The following SNAPC3 variants were observed in gnomAD, a reference collection of about 807,000 sequenced individuals.
SNAPC3 encodes the protein small nuclear RNA activating complex polypeptide 3.
A neutral mutation model predicts 47.7 loss-of-function variants in SNAPC3; 56 were observed. The ratio of observed to expected loss-of-function variants is 1.18; its 90% CI spans 0.95 to 1.47. The LOEUF (loss-of-function observed/expected upper bound fraction) is 1.47. Ranked by LOEUF, SNAPC3 falls within the 40% of genes most tolerant of loss-of-function variation. The pLI is 0.00. For synonymous variants in SNAPC3, 235 were observed against 189.9 expected, an observed-to-expected ratio of 1.24 and a Z score of -1.95; for missense variants, 665 against 511.3, an observed-to-expected ratio of 1.30 and a Z score of -2.90.
At chr9:15,446,797 G>A (rs1188895270) in intron 4 of SNAPC3, among the ~76,000 whole-genome samples, 2 of 152,176 alleles carry the variant, frequency 1.3e-5, no homozygotes, top group African/African-American at 2.4e-5. Flanking sequence ...GCTGTCCCTT[G>A]TAGCCTGGTG....
At chr9:15,426,135 T>G (rs753450083) in intron 2 of SNAPC3, among the ~76,000 whole-genome samples, 2 of 152,224 alleles carry the variant, frequency 1.3e-5, no homozygotes, top group Non-Finnish European at 2.9e-5. Flanking sequence ...ATTACAGATA[T>G]GAGCCACCGC....
chr9:15,452,990 T>A (rs371410944), intron 6 of SNAPC3, 51 bp from the exon 7 acceptor site: 21 of 1,462,494 alleles, frequency 1.4e-5, no homozygotes, highest in Non-Finnish European at 2.0e-5. Flanking sequence ...TTTTCTGTAG[T>A]TTTTAAGTTT....
chr9:15,433,750 A>C (rs2032461793), intron 3 of SNAPC3, 114 bp downstream of exon 3: 1 of 605,710 alleles, frequency 1.7e-6, no homozygotes, highest in African/African-American at 1.9e-5. Flanking sequence ...TTAGTTGAAA[A>C]CAAACTAGAG....
chr9:15,449,555 ATATATATATTTTTTTTTT>A (rs1182094375), intron 5 of SNAPC3, among the ~76,000 whole-genome samples: 2 of 38,698 alleles, frequency 5.2e-5, no homozygotes, highest in African/African-American at 2.2e-4. Flanking sequence ...ATATATATAT[ATATATATATTTTTTTTTT>A]TTTTTTTTTT....
chr9:15,434,768 ACTTC>A (rs1425772267), intron 3 of SNAPC3, among the ~76,000 whole-genome samples: 4 of 151,958 alleles, frequency 2.6e-5, no homozygotes, highest in Non-Finnish European at 5.9e-5. Context: ...GTGTATTAGA[ACTTC>A]CTTCCTTTTT....
downstream of SNAPC3, chr9:15,465,692 C>CCAAA (rs1242290554): frequency 4.7e-6 from 4 of 843,608 alleles, no homozygotes; most frequent in Non-Finnish European, 7.2e-6. Context: ...CTGAAACCAA[C>CCAAA]CAAACAAAAG....
downstream of SNAPC3, chr9:15,464,900 C>A (rs2737835): frequency 0.9 from 191,106 of 213,190 alleles, 86,113 homozygotes; most frequent in African/African-American, 0.93. Flanking sequence ...TTCTCAGTTC[C>A]ATGTCAGTTG....
At chr9:15,426,433 T>G (rs1048068604) in intron 2 of SNAPC3, among the ~76,000 whole-genome samples, 2 of 152,184 alleles carry the variant, frequency 1.3e-5, no homozygotes, top group African/African-American at 2.4e-5. Context: ...TCTGTCTTCT[T>G]AGCTACACTT....
downstream of SNAPC3, chr9:15,464,972 A>G (rs892802617): frequency 7.8e-5 from 17 of 217,830 alleles, no homozygotes; most frequent in African/African-American, 3.4e-4. Context: ...AAGAAGCTGG[A>G]TAATGTAGCA....
At position 15,444,650 on chromosome 9, in the gene SNAPC3, G is replaced by A. The variant is rs201524130; in HGVS notation, c.526G>A (p.Glu176Lys). 28 of 1,613,078 alleles carry A rather than the reference G, an allele frequency of 1.7e-5. No individual in the cohort carries two copies. In the East Asian group the frequency reaches 6.0e-4, roughly 35 times the overall value. ...KKPENSADMIEEGELILSVNI... is the reference protein window; with the variant it reads ...KKPENSADMIKEGELILSVNI... ...GCCTGAAAATTCAGCAGACATGATT[G>A]AAGAAGGGGAGCTTATCCTATCTGT... Residue 176 changes from glutamate (E) to lysine (K), a missense_variant, in exon 4 of 9, where the codon GAA becomes AAA. Transcript: ENST00000380821.
chr9:15,459,287 C>T (rs1314144169), intron 8 of SNAPC3, among the ~76,000 whole-genome samples: 1 of 152,130 alleles, frequency 6.6e-6, no homozygotes, highest in Non-Finnish European at 1.5e-5. Context: ...TTCAAATTAA[C>T]CAGTACTCAT....
At chr9:15,446,433 C>A (rs181223264) in intron 4 of SNAPC3, among the ~76,000 whole-genome samples, 68 of 152,298 alleles carry the variant, frequency 4.5e-4, no homozygotes, top group Middle Eastern at 3.4e-3. Context: ...TCTTGAACTT[C>A]TAGGCTCAAG....
At chr9:15,440,243 A>G (rs1289186201) in intron 3 of SNAPC3, among the ~76,000 whole-genome samples, 1 of 152,158 alleles carries the variant, frequency 6.6e-6, no homozygotes, top group Admixed American at 6.5e-5. Context: ...TGGCTTCTAT[A>G]TTTACCTGTG....
intron 3 of SNAPC3, among the ~76,000 whole-genome samples, chr9:15,440,227 T>C (rs1296479463): frequency 1.3e-5 from 2 of 152,188 alleles, no homozygotes; most frequent in East Asian, 3.8e-4. Context: ...AAAAGTACAA[T>C]AATACTGGCT....
At chr9:15,443,116 C>T (rs10962039) in intron 3 of SNAPC3, among the ~76,000 whole-genome samples, 106,426 of 152,044 alleles carry the variant, frequency 0.7, 39,580 homozygotes, top group Non-Finnish European at 0.82. Flanking sequence ...GCCGAGATGG[C>T]GGCAGTACAG....
chr9:15,436,366 G>A (rs1236138367), intron 3 of SNAPC3, among the ~76,000 whole-genome samples: 2 of 152,158 alleles, frequency 1.3e-5, no homozygotes, highest in Admixed American at 1.3e-4. Flanking sequence ...TATATATGAT[G>A]TAAGGTAAGG....
rs2035216810 is a variant in SNAPC3 at position 15,461,463 on chromosome 9, A to G, written c.*1597A>G. ...AGGCATGAACCACAGCGCCCAGCAAAATAAACTTTCTTTATTTTCAGGTCT... is the reference window on the plus strand; with the variant it reads ...AGGCATGAACCACAGCGCCCAGCAAGATAAACTTTCTTTATTTTCAGGTCT... On this transcript the variant is annotated 3_prime_UTR_variant, in exon 9 of 9. Coordinates refer to ENST00000380821, the MANE Select transcript of SNAPC3 (RefSeq NM_001039697.2). The G allele has an allele frequency of 6.6e-6, 1 of 152,178 alleles. No individual in the cohort carries two copies. The highest frequency in any genetic ancestry group is 1.5e-5 in the Non-Finnish European group (1 of 68,028). The allele number at this position is 152,178 out of a possible 1,614,324, so 9.4% of individuals were successfully genotyped here.
chr9:15,435,831 C>G (rs575687020), intron 3 of SNAPC3, among the ~76,000 whole-genome samples: 2 of 108,944 alleles, frequency 1.8e-5, no homozygotes, highest in South Asian at 2.7e-4. Flanking sequence ...TGTCTTTTTA[C>G]TTACTTTTCT....
chr9:15,428,856 G>C (rs2031786742), intron 2 of SNAPC3, among the ~76,000 whole-genome samples: 1 of 152,044 alleles, frequency 6.6e-6, no homozygotes, highest in South Asian at 2.1e-4. Context: ...GTAGGGAATG[G>C]TAGGTAGATA....
Sources: allele counts gnomAD v4.1 joint callset (sites outside exome capture counted in the v4.1 genomes callset), GRCh38; gene constraint gnomAD v4.1.1; transcripts MANE v1.5; gene names NCBI Gene and HGNC (gene_info 2026-07-23, HGNC 2026-07-21).